DCDC1: variants seen among roughly 807,000 people sequenced by gnomAD.
The protein encoded by DCDC1 is doublecortin domain containing 1.
A neutral mutation model predicts 178.3 loss-of-function variants in DCDC1; 200 were observed. That is an observed-to-expected ratio of 1.12 (90% CI 1.00 to 1.26). The LOEUF is 1.26. Among genes scored for constraint, DCDC1 ranks in the 50% most tolerant of loss-of-function variants. The pLI, the probability that DCDC1 is intolerant of heterozygous loss-of-function variation, is 0.00. For synonymous variants in DCDC1, 690 were observed against 604.8 expected (o/e 1.14, Z -2.07); for missense variants, 1,983 against 1,749.2 (o/e 1.13, Z -2.38).
chr11:31,243,469 C>T (rs1288540255), intron 8 of DCDC1, among the ~76,000 whole-genome samples: 2 of 151,626 alleles, frequency 1.3e-5, no homozygotes, highest in Non-Finnish European at 3.0e-5. Flanking sequence ...GATTTACACC[C>T]TAGAGTTAAT....
rs564130302 is a variant in DCDC1 at position 31,169,702 on chromosome 11, C to T, written c.1222-31918G>A. Among the ~76,000 whole-genome samples, 3 of 152,180 alleles carry T rather than the reference C, an allele frequency of 2.0e-5. No individual in the cohort carries two copies. The East Asian group carries it at 5.8e-4, about 29-fold the overall frequency. On this transcript the variant is annotated intron_variant, in intron 9 of 38. Coordinates refer to ENST00000684477, the MANE Select transcript of DCDC1 (RefSeq NM_001387274.1). ...GATGCTGAGAGAATTATGAATTCTG[C>T]CCTCATGAGTTTGTGGTATAGTTAG...
At chr11:30,921,327 T>C (rs1248191539) in intron 24 of DCDC1, among the ~76,000 whole-genome samples, 1 of 152,154 alleles carries the variant, frequency 6.6e-6, no homozygotes, top group Non-Finnish European at 1.5e-5. Context: ...TCAATATATA[T>C]AATAGGGCAA....
intron 18 of DCDC1, among the ~76,000 whole-genome samples, chr11:31,075,925 T>C (rs1268044186): frequency 2.0e-5 from 3 of 152,186 alleles, no homozygotes; most frequent in Admixed American, 6.5e-5. Flanking sequence ...AATGGTGCGA[T>C]CTTGACTCAC....
intron 8 of DCDC1, among the ~76,000 whole-genome samples, chr11:31,246,645 G>C (rs1175790443): frequency 1.3e-5 from 2 of 151,970 alleles, no homozygotes; most frequent in African/African-American, 2.4e-5. Context: ...TTACGAAATA[G>C]TTGGAAAGCT....
At chr11:31,139,486 G>A (rs906143815) in intron 9 of DCDC1, among the ~76,000 whole-genome samples, 2 of 152,188 alleles carry the variant, frequency 1.3e-5, no homozygotes, top group Non-Finnish European at 2.9e-5. Context: ...CTCTCATCTC[G>A]AGAGGAAACG....
intron 9 of DCDC1, among the ~76,000 whole-genome samples, chr11:31,147,639 A>T (rs1435383344): frequency 6.6e-6 from 1 of 152,218 alleles, no homozygotes; most frequent in Non-Finnish European, 1.5e-5. Context: ...CAAGGAATAG[A>T]TACTCGCTCA....
chr11:31,045,152 G>C (rs1447268258), intron 20 of DCDC1, among the ~76,000 whole-genome samples: 3 of 151,970 alleles, frequency 2.0e-5, no homozygotes, highest in African/African-American at 7.3e-5. Flanking sequence ...ATGTATATGT[G>C]TGTAGACTAA....
chr11:30,955,562 A>C (rs1325713741), intron 20 of DCDC1, among the ~76,000 whole-genome samples: 1 of 152,168 alleles, frequency 6.6e-6, no homozygotes, highest in African/African-American at 2.4e-5. Flanking sequence ...ACAAATAACT[A>C]CACCACTTTC....
chr11:31,001,199 C>T (rs1590716934), intron 20 of DCDC1, among the ~76,000 whole-genome samples: 2 of 151,978 alleles, frequency 1.3e-5, no homozygotes, highest in Non-Finnish European at 2.9e-5. Context: ...TTATTTTGTT[C>T]AATGAACTAT....
chr11:30,865,853 G>A (rs1405372432), intron 38 of DCDC1, among the ~76,000 whole-genome samples: 4 of 152,056 alleles, frequency 2.6e-5, no homozygotes, highest in Admixed American at 2.0e-4. Context: ...AAAGAATGTT[G>A]CAATCTTTAA....
intron 20 of DCDC1, among the ~76,000 whole-genome samples, chr11:30,968,202 C>T (rs745920471): frequency 1.3e-5 from 2 of 152,038 alleles, no homozygotes; most frequent in South Asian, 2.1e-4. Flanking sequence ...GTAGAAAGTA[C>T]GGCAGAGAAC....
intron 30 of DCDC1, among the ~76,000 whole-genome samples, chr11:30,905,988 T>C (rs900507176): frequency 2.0e-5 from 3 of 152,194 alleles, no homozygotes; most frequent in African/African-American, 7.2e-5. Context: ...TAGTTTTTAC[T>C]TCTACAGTTG....
chr11:31,367,663 G>A (rs372073183), intron 1 of DCDC1, among the ~76,000 whole-genome samples: 6 of 152,136 alleles, frequency 3.9e-5, no homozygotes, highest in Non-Finnish European at 8.8e-5. Flanking sequence ...AGGTGTGTTC[G>A]GGCACAATAC....
At chr11:30,992,197 G>T (rs290740) in intron 20 of DCDC1, among the ~76,000 whole-genome samples, 16,436 of 152,186 alleles carry the variant, frequency 0.11, 1,065 homozygotes, top group Admixed American at 0.19. Context: ...CATTTTAAAA[G>T]AAATGCTGTA....
Position 31,047,032 on chromosome 11 carries a change from C to T in DCDC1, c.2591+17437G>A, listed in dbSNP as rs189078995. On this transcript the variant is annotated intron_variant, in intron 20 of 38. Transcript: ENST00000684477. Reference sequence around the variant, plus strand: ...CCACAATGTCTTCCAAACACACAGCCATCCATTCTTTCCCACACTCTTGGC... The same window carrying T: ...CCACAATGTCTTCCAAACACACAGCTATCCATTCTTTCCCACACTCTTGGC... 1.5e-3 allele frequency among the ~76,000 whole-genome samples: 234 copies of T among 152,180 alleles called. 1 individual carries two copies. Among genetic ancestry groups the T allele is most frequent in the Admixed American group, 2.4e-3 (36 of 15,284 alleles).
chr11:31,313,460 A>T (rs1948883246), intron 3 of DCDC1, among the ~76,000 whole-genome samples: 1 of 152,164 alleles, frequency 6.6e-6, no homozygotes. Context: ...TTATGCAGGG[A>T]GCTCAGCTCC....
intron 12 of DCDC1, among the ~76,000 whole-genome samples, chr11:31,109,528 C>T (rs1436017620): frequency 6.6e-6 from 1 of 151,984 alleles, no homozygotes; most frequent in Non-Finnish European, 1.5e-5. Context: ...TGAGAGCATC[C>T]CAATTCATAT....
chr11:31,267,947 A>C (rs1243179974), intron 7 of DCDC1, among the ~76,000 whole-genome samples: 1 of 152,138 alleles, frequency 6.6e-6, no homozygotes, highest in Non-Finnish European at 1.5e-5. Context: ...TTTCACCACC[A>C]CTCTCATTGA....
At chr11:31,129,560 A>C (rs1295163649) in intron 10 of DCDC1, among the ~76,000 whole-genome samples, 1 of 152,110 alleles carries the variant, frequency 6.6e-6, no homozygotes, top group Non-Finnish European at 1.5e-5. Flanking sequence ...ATAAAACTTT[A>C]TTTACAAAAA....
Sources: allele counts gnomAD v4.1 joint callset (sites outside exome capture counted in the v4.1 genomes callset), GRCh38; gene constraint gnomAD v4.1.1; transcripts MANE v1.5; gene names NCBI Gene and HGNC (gene_info 2026-07-23, HGNC 2026-07-21).